Variants in COL17A1 observed in about 807,000 individuals in gnomAD.
COL17A1 encodes the protein collagen alpha-1(XVII) chain.
COL17A1 carries 181 observed loss-of-function variants against 218.4 expected under a neutral mutation model. The observed-to-expected ratio is 0.83, with a 90% CI of 0.73 to 0.94. COL17A1 has a LOEUF of 0.94. COL17A1 is among the 40% of genes least tolerant of loss of function. The probability of loss-of-function intolerance (pLI) is 0.00; values close to 1 mark genes in which losing one functional copy is unlikely to be tolerated. For synonymous variants in COL17A1, 721 were observed against 731.0 expected, an observed-to-expected ratio of 0.99 and a Z score of 0.22; for missense variants, 1,924 against 1,945.9, an observed-to-expected ratio of 0.99 and a Z score of 0.21.
Position 104,032,072 on chromosome 10 carries a change from TAAGTATA to T in COL17A1, c.*156_*162del. On this transcript the variant is annotated 3_prime_UTR_variant, in exon 56 of 56. Coordinates refer to ENST00000648076, the MANE Select transcript of COL17A1 (RefSeq NM_000494.4). ...ATTGTGTATCTTTGACTGAATTCTA[TAAGTATA>T]TATTGTTCAGACTAAAACAAATGTT... 1.5e-6 allele frequency: 1 copy of T among 653,368 alleles called. No homozygotes were observed. The highest frequency in any genetic ancestry group is 2.8e-6 in the Non-Finnish European group (1 of 361,248). 40.5% of individuals were successfully genotyped at this position (653,368 alleles called of 1,614,324 possible).
At chr10:104,040,906 C>T (rs1027800219) in intron 39 of COL17A1, among the ~76,000 whole-genome samples, 159 bp downstream of exon 39, 2 of 152,148 alleles carry the variant, frequency 1.3e-5, no homozygotes, top group Non-Finnish European at 2.9e-5. Context: ...GTTATTCCCT[C>T]CATGTGCAGC....
At chr10:104,078,652 G>A in intron 2 of COL17A1, 66 bp from the exon 3 acceptor site, 2 of 1,602,450 alleles carry the variant, frequency 1.2e-6, no homozygotes, top group Non-Finnish European at 1.7e-6. Flanking sequence ...TCTTGGCAAG[G>A]TCTAAGCTCT....
chr10:104,032,200 A>C lies in COL17A1; in HGVS notation c.*35T>G. 6.3e-7 allele frequency: 1 copy of C among 1,587,680 alleles called. No individual in the cohort carries two copies. Among genetic ancestry groups the C allele is most frequent in the Non-Finnish European group, 8.7e-7 (1 of 1,155,982 alleles). ...GGACCTAAGTGCCACATGCATTATG[A>C]GACCTGGTCCAGGAGCTGTCCTGCC... On this transcript the variant is annotated 3_prime_UTR_variant, in exon 56 of 56. Transcript: ENST00000648076.
intron 23 of COL17A1, among the ~76,000 whole-genome samples, 169 bp downstream of exon 23, chr10:104,052,862 T>C (rs1162914972): frequency 6.6e-6 from 1 of 152,176 alleles, no homozygotes; most frequent in Non-Finnish European, 1.5e-5. Flanking sequence ...TAGCCCAGCC[T>C]ATGCCCAGCG....
Position 104,048,082 on chromosome 10 carries a change from G to A in COL17A1, c.2250C>T (p.His750=). 1.2e-6 allele frequency: 2 copies of A among 1,614,212 alleles called. No individual in the cohort carries two copies. Among genetic ancestry groups the A allele is most frequent in the Non-Finnish European group, 1.7e-6 (2 of 1,180,036 alleles). Residue 750 remains histidine (H), a synonymous_variant, in exon 30 of 56, where the codon CAC becomes CAT. Coordinates refer to ENST00000648076, the MANE Select transcript of COL17A1 (RefSeq NM_000494.4). ...TGAGTGACCAACCTCTTGGGCCTTG[G>A]TGTCCGTCTGGGCCAGCAGGACCTG... is the stretch of plus-strand genomic sequence containing the variant. ...GAMGPAGPDG[H]QGPRGEQGLT...
At chr10:104,074,346 G>T in intron 5 of COL17A1, 115 bp from the exon 6 acceptor site, 1 of 1,442,988 alleles carries the variant, frequency 6.9e-7, no homozygotes, top group Non-Finnish European at 9.7e-7. Context: ...CAGTGTTTCA[G>T]GGGGGAATGA....
chr10:104,046,540 C>T (rs1372852437), intron 32 of COL17A1, among the ~76,000 whole-genome samples: 1 of 152,182 alleles, frequency 6.6e-6, no homozygotes. Context: ...ACAATCTAAT[C>T]TCATTTCTAC....
chr10:104,038,292 C>T, intron 45 of COL17A1, 114 bp downstream of exon 45: 1 of 1,342,566 alleles, frequency 7.4e-7, no homozygotes, highest in Non-Finnish European at 1.1e-6. Context: ...TCCCACTGCC[C>T]TACATCGTCC....
At chr10:104,039,021 G>A in intron 44 of COL17A1, 50 bp downstream of exon 44, 1 of 1,546,424 alleles carries the variant, frequency 6.5e-7, no homozygotes, top group Non-Finnish European at 8.9e-7. Context: ...GGAATGATCA[G>A]CCTTCACCAG....
intron 3 of COL17A1, among the ~76,000 whole-genome samples, 168 bp downstream of exon 3, chr10:104,078,374 A>G (rs939334049): frequency 6.6e-6 from 1 of 152,158 alleles, no homozygotes; most frequent in Admixed American, 6.5e-5. Flanking sequence ...ACTAGCAATC[A>G]CTGAATTATA....
intron 3 of COL17A1, among the ~76,000 whole-genome samples, chr10:104,077,967 G>C (rs1340950158): frequency 6.6e-6 from 1 of 152,200 alleles, no homozygotes; most frequent in Non-Finnish European, 1.5e-5. Flanking sequence ...TGTGTTGCTG[G>C]TGTTCCACCT....
chr10:104,043,879 G>A lies in COL17A1; in HGVS notation c.2399-19C>T. 4 of 1,614,144 alleles carry A rather than the reference G, an allele frequency of 2.5e-6. No homozygotes were observed. Among genetic ancestry groups the A allele is most frequent in the East Asian group, 2.2e-5 (1 of 44,886 alleles). On this transcript the variant is annotated intron_variant, in intron 33 of 55. Coordinates refer to ENST00000648076, the MANE Select transcript of COL17A1 (RefSeq NM_000494.4). ...GGTTCACCTAGGAAGAGAGGAAAAG[G>A]CTGAGAGTGGTTGTTCTGAGGATCA... is the stretch of plus-strand genomic sequence containing the variant.
intron 18 of COL17A1, 26 bp from the exon 19 acceptor site, chr10:104,055,427 C>A: frequency 6.3e-7 from 1 of 1,593,042 alleles, no homozygotes; most frequent in South Asian, 1.1e-5. Flanking sequence ...AATCCTGAGT[C>A]AGCTTCACAT....
In COL17A1 at chr10:104,077,504, A is replaced by G; in HGVS notation, c.120T>C (p.Tyr40=). Residue 40 remains tyrosine, a synonymous_variant, in exon 4 of 56, where the codon TAT becomes TAC. Transcript: ENST00000648076. ...CTCCACCAAGAGAGGCTGTTTTAGC[A>G]TAGCCATTGCTGGTCCCGCCTTCTG... ...LPPKGGTSNG[Y]AKTASLGGGS... is the part of the protein sequence containing the mutation. 1 of 1,612,930 alleles carries G rather than the reference A, an allele frequency of 6.2e-7. No individual in the cohort carries two copies. Among genetic ancestry groups the G allele is most frequent in the Non-Finnish European group, 8.5e-7 (1 of 1,179,700 alleles).
rs200224890 is a variant in COL17A1 at position 104,054,968 on chromosome 10, A to G, written c.1744+13T>C. 50 of 1,614,164 alleles carry G rather than the reference A, an allele frequency of 3.1e-5. No individual in the cohort carries two copies. In the African/African-American group the frequency reaches 5.3e-4, roughly 17 times the overall value. ...GCTAATATTTAAGGTAAAAATGCCC[A>G]TGTTATAATTACCTTTAGGGCCTGG... is the stretch of plus-strand genomic sequence containing the variant. On this transcript the variant is annotated intron_variant, in intron 20 of 55. Transcript: ENST00000648076.
chr10:104,036,105 AGTGTGT>A (rs200804774), intron 48 of COL17A1, among the ~76,000 whole-genome samples: 3 of 826 alleles, frequency 3.6e-3, no homozygotes, highest in Admixed American at 0.019. Flanking sequence ...TGTGTATGGG[AGTGTGT>A]GTGTATGGGA....
intron 3 of COL17A1, among the ~76,000 whole-genome samples, chr10:104,077,995 C>G (rs1166168379): frequency 6.6e-6 from 1 of 152,150 alleles, no homozygotes; most frequent in Admixed American, 6.5e-5. Flanking sequence ...CATCACTGCT[C>G]CGACTTCACC....
intron 5 of COL17A1, among the ~76,000 whole-genome samples, chr10:104,074,653 A>G (rs2086695037): frequency 6.6e-6 from 1 of 152,218 alleles, no homozygotes; most frequent in Non-Finnish European, 1.5e-5. Flanking sequence ...GTTAAAATGA[A>G]GGTACAAATC....
At chr10:104,041,732 G>A (rs893769030) in intron 36 of COL17A1, among the ~76,000 whole-genome samples, 194 bp from the exon 37 acceptor site, 3 of 152,186 alleles carry the variant, frequency 2.0e-5, no homozygotes, top group Admixed American at 6.5e-5. Context: ...CAGAGGCAGG[G>A]CAGGACCATA....
Sources: allele counts gnomAD v4.1 joint callset (sites outside exome capture counted in the v4.1 genomes callset), GRCh38; gene constraint gnomAD v4.1.1; transcripts MANE v1.5; gene names NCBI Gene and HGNC (gene_info 2026-07-23, HGNC 2026-07-21).